Variants in CDH13 observed in about 807,000 individuals in gnomAD.
CDH13 encodes cadherin-13.
In CDH13, 24 loss-of-function variants were observed where a neutral mutation model predicts 63.8. The ratio of observed to expected loss-of-function variants is 0.38; its 90% CI spans 0.27 to 0.53. The LOEUF is 0.53. Among genes scored for constraint, CDH13 ranks in the 20% least tolerant of loss-of-function variants. CDH13 has a pLI of 0.85. For missense variants in CDH13, 1,049 were observed against 903.1 expected (o/e 1.16, Z -2.07); for synonymous variants, 503 against 355.3 (o/e 1.42, Z -4.67).
chr16:83,364,704 G>T (rs1320463039), intron 6 of CDH13, among the ~76,000 whole-genome samples: 1 of 152,184 alleles, frequency 6.6e-6, no homozygotes, highest in Non-Finnish European at 1.5e-5. Context: ...ATAGATGTTT[G>T]TATCAGCCAC....
chr16:82,843,590 A>G (rs779141803), intron 1 of CDH13, among the ~76,000 whole-genome samples: 1 of 152,254 alleles, frequency 6.6e-6, no homozygotes, highest in Non-Finnish European at 1.5e-5. Context: ...AAAGCTTAAC[A>G]AGATAGACAT....
At chr16:83,759,186 A>AG (rs1913753014) in intron 11 of CDH13, among the ~76,000 whole-genome samples, 1 of 152,224 alleles carries the variant, frequency 6.6e-6, no homozygotes, top group African/African-American at 2.4e-5. Flanking sequence ...ATTTGCACAA[A>AG]GATGGGAACA....
In CDH13 at chr16:82,705,421, A is replaced by T. The variant is rs535721860; in HGVS notation, c.45+78284A>T. 249 of 239,994 alleles carry T rather than the reference A, an allele frequency of 1.0e-3. 1 individual carries two copies. The highest frequency in any genetic ancestry group is 5.3e-3 in the African/African-American group (232 of 44,154). 14.9% of individuals were successfully genotyped at this position (239,994 alleles called of 1,614,324 possible). A position where few individuals can be genotyped will look rare whatever the true frequency, so the allele number is the denominator to read the frequency against. ...CACACAATCGCCTCTAGTGGTCCATATGCACGACAACCCGGGATCCTAGAA... is the reference window on the plus strand; with the variant it reads ...CACACAATCGCCTCTAGTGGTCCATTTGCACGACAACCCGGGATCCTAGAA... On this transcript the variant is annotated intron_variant, in intron 1 of 13. Transcript: ENST00000567109.
In CDH13 at chr16:83,748,319, T is replaced by G; in HGVS notation, c.1681+69T>G. 3 of 1,423,658 alleles carry G rather than the reference T, an allele frequency of 2.1e-6. No homozygotes were observed. In the East Asian group the frequency reaches 6.9e-5, roughly 33 times the overall value. 88.2% of individuals were successfully genotyped at this position (1,423,658 alleles called of 1,614,324 possible). A position where few individuals can be genotyped will look rare whatever the true frequency, so the allele number is the denominator to read the frequency against. On this transcript the variant is annotated intron_variant, in intron 11 of 13. Transcript: ENST00000567109. ...CAAATATACTTTTACATTTTTAAAT[T>G]TCTTCTGATACACCCAGGGGTGTTC...
intron 5 of CDH13, among the ~76,000 whole-genome samples, chr16:83,224,878 A>G (rs2039796704): frequency 6.6e-6 from 1 of 152,158 alleles, no homozygotes; most frequent in African/African-American, 2.4e-5. Flanking sequence ...AGCCTGCCAC[A>G]TATCGGTTTT....
At chr16:83,572,303 C>T (rs1904712502) in intron 7 of CDH13, among the ~76,000 whole-genome samples, 1 of 151,874 alleles carries the variant, frequency 6.6e-6, no homozygotes. Flanking sequence ...TCTCATGCCT[C>T]AGCCTCCCGA....
At chr16:82,993,671 G>T (rs565103606) in intron 2 of CDH13, among the ~76,000 whole-genome samples, 1 of 152,268 alleles carries the variant, frequency 6.6e-6, no homozygotes, top group East Asian at 1.9e-4. Context: ...GCTGCTTCTC[G>T]GATGGGACTT....
At chr16:83,723,755 T>C (rs1909996582) in intron 10 of CDH13, among the ~76,000 whole-genome samples, 1 of 152,254 alleles carries the variant, frequency 6.6e-6, no homozygotes, top group Non-Finnish European at 1.5e-5. Context: ...AGGAATTTCA[T>C]GCCTTGTTCT....
chr16:82,876,623 G>T (rs974003521), intron 2 of CDH13, among the ~76,000 whole-genome samples: 48 of 152,136 alleles, frequency 3.2e-4, no homozygotes, highest in African/African-American at 1.2e-3. Context: ...ATTGGTCTGT[G>T]GACCACACAT....
intron 5 of CDH13, among the ~76,000 whole-genome samples, chr16:83,282,311 CA>C (rs2089198212): frequency 6.6e-6 from 1 of 151,982 alleles, no homozygotes. Flanking sequence ...GATACCAAAA[CA>C]CAAAGTGAGA....
chr16:82,713,492 G>C (rs946495310), intron 1 of CDH13, among the ~76,000 whole-genome samples: 7 of 152,288 alleles, frequency 4.6e-5, no homozygotes, highest in African/African-American at 1.7e-4. Context: ...TCCCTTCTCT[G>C]TGCTTCCTCT....
At chr16:83,574,998 G>A (rs910505615) in intron 7 of CDH13, among the ~76,000 whole-genome samples, 2 of 151,998 alleles carry the variant, frequency 1.3e-5, no homozygotes, top group African/African-American at 4.8e-5. Context: ...CAACCCGAAC[G>A]CCCATCCACT....
chr16:83,279,091 C>CTT (rs879783645), intron 5 of CDH13, among the ~76,000 whole-genome samples: 1 of 144,438 alleles, frequency 6.9e-6, no homozygotes, highest in African/African-American at 2.5e-5. Context: ...CTCATTTTAA[C>CTT]TTTTTTTTTT....
intron 1 of CDH13, among the ~76,000 whole-genome samples, chr16:82,701,086 A>G (rs1002348596): frequency 6.6e-6 from 1 of 150,796 alleles, no homozygotes; most frequent in East Asian, 2.0e-4. Context: ...TTTTTCTCTC[A>G]TTGCAGCTAA....
intron 2 of CDH13, among the ~76,000 whole-genome samples, chr16:82,872,860 C>T (rs567395163): frequency 6.6e-6 from 1 of 152,290 alleles, no homozygotes; most frequent in South Asian, 2.1e-4. Flanking sequence ...TTTTGCCAGA[C>T]CCTGTGCTAA....
intron 8 of CDH13, among the ~76,000 whole-genome samples, chr16:83,629,009 A>C (rs1910556585): frequency 6.6e-6 from 1 of 152,176 alleles, no homozygotes; most frequent in Non-Finnish European, 1.5e-5. Flanking sequence ...TGAATACGTA[A>C]ATTTTCATGG....
intron 1 of CDH13, among the ~76,000 whole-genome samples, chr16:82,634,292 G>A (rs1908385099): frequency 6.6e-6 from 1 of 152,242 alleles, no homozygotes; most frequent in African/African-American, 2.4e-5. Flanking sequence ...CCCTCAAGGT[G>A]TCAGGGAACC....
intron 3 of CDH13, among the ~76,000 whole-genome samples, chr16:83,054,987 T>C (rs1307292080): frequency 1.3e-5 from 2 of 152,082 alleles, no homozygotes; most frequent in South Asian, 4.1e-4. Flanking sequence ...TCATACAGAT[T>C]GTATATTCTG....
intron 6 of CDH13, among the ~76,000 whole-genome samples, chr16:83,372,743 T>C (rs1597857376): frequency 8.9e-6 from 1 of 112,228 alleles, no homozygotes; most frequent in Admixed American, 1.0e-4. Context: ...AGAGCGAGAC[T>C]CGGTCTAAAA....
Sources: gnomAD v4.1 joint callset for allele counts (sites outside exome capture counted in the v4.1 genomes callset) on GRCh38, gnomAD v4.1.1 for gene constraint, MANE v1.5 for transcripts, NCBI Gene and HGNC (gene_info 2026-07-23, HGNC 2026-07-21) for gene names.